The following PMCH variants were observed in gnomAD, a reference collection of about 807,000 sequenced individuals.
The protein encoded by PMCH is pro-melanin concentrating hormone, also known as pro-MCH.
A neutral mutation model predicts 15.9 loss-of-function variants in PMCH; 8 were observed. The ratio of observed to expected loss-of-function variants is 0.50; its 90% CI spans 0.29 to 0.91. The LOEUF (loss-of-function observed/expected upper bound fraction) is 0.91. PMCH is among the 40% of genes least tolerant of loss of function. The pLI, the probability that PMCH is intolerant of heterozygous loss-of-function variation, is 0.07. For missense variants in PMCH, 169 were observed against 185.7 expected (o/e 0.91, Z 0.52); for synonymous variants, 73 against 63.8 (o/e 1.14, Z -0.69).
intron 2 of PMCH, 42 bp from the exon 3 acceptor site, chr12:102,196,743 T>G (rs766088615): frequency 1.4e-6 from 2 of 1,440,162 alleles, no homozygotes; most frequent in African/African-American, 2.8e-5. Flanking sequence ...AGGACTATAA[T>G]TATCACACAA....
In PMCH at chr12:102,196,513, A is replaced by G. The variant is rs142933593; in HGVS notation, c.*139T>C. The G allele has an allele frequency of 1.9e-4, 148 of 763,000 alleles. 1 individual carries two copies. The East Asian group carries it at 3.6e-3, about 19-fold the overall frequency. 47.3% of individuals were successfully genotyped at this position (763,000 alleles called of 1,614,324 possible). ...ACAGAGAAAGCATATCATTTCAGTTACTGATACATCTTAACACTACTTTCT... is the reference window on the plus strand; with the variant it reads ...ACAGAGAAAGCATATCATTTCAGTTGCTGATACATCTTAACACTACTTTCT... On this transcript the variant is annotated 3_prime_UTR_variant, in exon 3 of 3. Coordinates refer to ENST00000329406, the MANE Select transcript of PMCH (RefSeq NM_002674.4).
At position 102,196,542 on chromosome 12, in the gene PMCH, A is replaced by G. The variant is rs2137673832; in HGVS notation, c.*110T>C. 1.2e-6 allele frequency: 1 copy of G among 855,968 alleles called. No homozygotes were observed. Among genetic ancestry groups the G allele is most frequent in the Non-Finnish European group, 2.0e-6 (1 of 501,978 alleles). 53.0% of individuals were successfully genotyped at this position (855,968 alleles called of 1,614,324 possible). Reference sequence around the variant, plus strand: ...ATACATCTTAACACTACTTTCTTTTAAAACAGACATTTAACATACACAAGT... The same window carrying G: ...ATACATCTTAACACTACTTTCTTTTGAAACAGACATTTAACATACACAAGT... On this transcript the variant is annotated 3_prime_UTR_variant, in exon 3 of 3. Transcript: ENST00000329406.
intron 2 of PMCH, 80 bp from the exon 3 acceptor site, chr12:102,196,781 T>C: frequency 8.5e-7 from 1 of 1,182,080 alleles, no homozygotes; most frequent in Non-Finnish European, 1.3e-6. Context: ...AGAATGGATC[T>C]AGTATAACTA....
Position 102,196,683 on chromosome 12 carries a change from C to T in PMCH, c.467G>A (p.Gly156Glu). ...RDFDMLRCML[G>E]RVYRPCWQV ...TTGCCAACAAGGTCGGTAGACTCTT[C>T]CCAGCATACATCTGAGCACTGAAGG... The change falls in exon 3 of 3, where the codon GGA (glycine) becomes GAA (glutamate). Residue 156 changes from glycine to glutamate, a missense_variant. Gly to Glu is a moderately conservative substitution (Grantham distance 98, BLOSUM62 -2). Coordinates refer to ENST00000329406, the MANE Select transcript of PMCH (RefSeq NM_002674.4). 1 of 1,609,250 alleles carries T rather than the reference C, an allele frequency of 6.2e-7. No homozygotes were observed. Among genetic ancestry groups the T allele is most frequent in the South Asian group, 1.1e-5 (1 of 90,948 alleles).
chr12:102,197,207 G>C (rs1023648532), intron 1 of PMCH, 36 bp from the exon 2 acceptor site: 1 of 1,440,168 alleles, frequency 6.9e-7, no homozygotes, highest in South Asian at 1.2e-5. Flanking sequence ...TTTAGCTATC[G>C]TATTCGGAGT....
intron 2 of PMCH, 111 bp from the exon 3 acceptor site, chr12:102,196,812 A>G (rs1313242436): frequency 1.9e-6 from 2 of 1,058,668 alleles, no homozygotes; most frequent in East Asian, 2.4e-5. Flanking sequence ...AACCAAAATG[A>G]TAATAATTAA....
chr12:102,197,652 T>C lies in PMCH; in HGVS notation c.119A>G (p.Asn40Ser). Residue 40 changes from asparagine (N) to serine (S), a missense_variant, in exon 1 of 3, where the codon AAT becomes AGT. Coordinates refer to ENST00000329406, the MANE Select transcript of PMCH (RefSeq NM_002674.4). ...IRNLDDDMVF[N>S]TFRLGKGFQK... is the part of the protein sequence containing the mutation. The stretch of plus-strand genomic sequence containing the variant: ...AAAGCCTTTCCCCAACCTGAATGTA[T>C]TAAATACCATGTCATCATCTAAATT... 6.2e-7 allele frequency: 1 copy of C among 1,612,236 alleles called. No homozygotes were observed. Among genetic ancestry groups the C allele is most frequent in the Non-Finnish European group, 8.5e-7 (1 of 1,178,764 alleles).
In PMCH at chr12:102,197,106, A is replaced by G. The variant is rs200644407; in HGVS notation, c.315T>C (p.Tyr105=). 6.8e-6 allele frequency: 11 copies of G among 1,612,302 alleles called. No homozygotes were observed. Among genetic ancestry groups the G allele is most frequent in the South Asian group, 1.1e-5 (1 of 91,036 alleles). Residue 105 remains tyrosine (Y), a synonymous_variant, in exon 2 of 3, where the codon TAT becomes TAC. Coordinates refer to ENST00000329406, the MANE Select transcript of PMCH (RefSeq NM_002674.4). ...GLPLNLAIKP[Y]LALKGSVAFP... ...AAGCTACAGATCCTTTTAGTGCAAG[A>G]TAAGGTTTTATAGCCAGATTCAGTG... is the stretch of plus-strand genomic sequence containing the variant.
chr12:102,196,693 A>G lies in PMCH; in HGVS notation c.457T>C (p.Cys153Arg). ...GGTCGGTAGACTCTTCCCAGCATAC[A>G]TCTGAGCACTGAAGGAAGAAGAAAG... ...IGRRDFDMLR[C>R]MLGRVYRPCW... is the part of the protein sequence containing the mutation. The change falls in exon 3 of 3, where the codon TGT (cysteine) becomes CGT (arginine). Residue 153 changes from cysteine (C) to arginine (R), a missense_variant. Physicochemically the swap from Cys to Arg is radical, Grantham distance 180. Transcript: ENST00000329406. The G allele has an allele frequency of 1.2e-6, 2 of 1,608,000 alleles. No homozygotes were observed. The highest frequency in any genetic ancestry group is 1.7e-6 in the Non-Finnish European group (2 of 1,175,120).
rs747316171 is a variant in PMCH, at chr12:102,197,092, C to G, written c.329G>C (p.Gly110Ala). Residue 110 changes from glycine (G) to alanine (A), a missense_variant, in exon 2 of 3, where the codon GGA becomes GCA. Physicochemically the swap from Gly to Ala is moderately conservative, Grantham distance 60. Coordinates refer to ENST00000329406, the MANE Select transcript of PMCH (RefSeq NM_002674.4). ...LAIKPYLALK[G>A]SVAFPAENGV... ...ATTCTCAGCTGGGAAAGCTACAGAT[C>G]CTTTTAGTGCAAGATAAGGTTTTAT... The G allele has an allele frequency of 6.2e-7, 1 of 1,612,062 alleles. No individual in the cohort carries two copies. Among genetic ancestry groups the G allele is most frequent in the South Asian group, 1.1e-5 (1 of 91,036 alleles).
Position 102,197,643 on chromosome 12 carries a change from C to A in PMCH, c.128G>T (p.Arg43Met). The change falls in exon 1 of 3, where the codon AGG becomes ATG. Residue 43 changes from arginine to methionine, a missense_variant. Physicochemically the swap from Arg to Met is moderately conservative, Grantham distance 91. Transcript: ENST00000329406. ...TTCCTTCTGAAAGCCTTTCCCCAACCTGAATGTATTAAATACCATGTCATC... is the reference window on the plus strand; with the variant it reads ...TTCCTTCTGAAAGCCTTTCCCCAACATGAATGTATTAAATACCATGTCATC... ...LDDDMVFNTFRLGKGFQKEDT... is the reference protein window; with the variant it reads ...LDDDMVFNTFMLGKGFQKEDT... 1 of 1,612,220 alleles carries A rather than the reference C, an allele frequency of 6.2e-7. No individual in the cohort carries two copies. The highest frequency in any genetic ancestry group is 8.5e-7 in the Non-Finnish European group (1 of 1,178,798).
chr12:102,197,583 A>G lies in PMCH; in HGVS notation c.188T>C (p.Leu63Pro), dbSNP rs1891426477. The G allele has an allele frequency of 2.5e-6, 4 of 1,609,810 alleles. No homozygotes were observed. Among genetic ancestry groups the G allele is most frequent in the South Asian group, 1.1e-5 (1 of 90,940 alleles). ...TAEKSVIAPS[L>P]EQYKNDESSF... ...GCTCTCATCATTTTTATATTGTTCC[A>G]GGGAAGGAGCAATAACTGATTTTTC... The change falls in exon 1 of 3, where the codon CTG becomes CCG. Residue 63 changes from leucine to proline, a missense_variant. By Grantham distance (98) the Leu-to-Pro change is moderately conservative. Transcript: ENST00000329406.
intron 1 of PMCH, 149 bp downstream of exon 1, chr12:102,197,373 T>G (rs1340122020): frequency 2.4e-6 from 2 of 821,368 alleles, no homozygotes; most frequent in Non-Finnish European, 1.9e-6. Flanking sequence ...CTACCTGGCA[T>G]GTAAGAAATA....
At chr12:102,196,820 T>A (rs1009777132) in intron 2 of PMCH, 119 bp from the exon 3 acceptor site, 2 of 1,043,080 alleles carry the variant, frequency 1.9e-6, no homozygotes, top group African/African-American at 3.2e-5. Context: ...TGATAATAAT[T>A]AATTGTTGCT....
chr12:102,196,879 G>T, intron 2 of PMCH, 94 bp downstream of exon 2: 2 of 1,168,890 alleles, frequency 1.7e-6, no homozygotes, highest in Non-Finnish European at 2.5e-6. Flanking sequence ...GGTCTTATTT[G>T]ATTTTGTTAT....
chr12:102,196,672 G>A lies in PMCH; in HGVS notation c.478C>T (p.Arg160Ter), dbSNP rs200281750. Reference protein sequence around the residue: ...MLRCMLGRVYRPCWQV With the variant: ...MLRCMLGRVY ...AGGTATCAGACTTGCCAACAAGGTC[G>A]GTAGACTCTTCCCAGCATACATCTG... Residue 160 changes from arginine (R) to a stop codon, truncating the protein, a stop_gained, in exon 3 of 3, where the codon CGA becomes TGA. Transcript: ENST00000329406. LOFTEE classifies it high-confidence loss of function. 13 of 1,609,830 alleles carry A rather than the reference G, an allele frequency of 8.1e-6. No homozygotes were observed. Among genetic ancestry groups the A allele is most frequent in the Non-Finnish European group, 1.1e-5 (13 of 1,176,820 alleles).
intron 1 of PMCH, 149 bp downstream of exon 1, chr12:102,197,373 T>C (rs1340122020): frequency 6.1e-6 from 5 of 821,250 alleles, no homozygotes; most frequent in Non-Finnish European, 1.9e-6. Flanking sequence ...CTACCTGGCA[T>C]GTAAGAAATA....
At chr12:102,197,256 A>G in intron 1 of PMCH, 85 bp from the exon 2 acceptor site, 1 of 1,136,938 alleles carries the variant, frequency 8.8e-7, no homozygotes, top group Non-Finnish European at 1.3e-6. Context: ...TTGTTGATCA[A>G]TTCAAAGTTA....
rs773269035 is a variant in PMCH, at chr12:102,197,792, C to T, written c.-22G>A. On this transcript the variant is annotated 5_prime_UTR_variant, in exon 1 of 3. Coordinates refer to ENST00000329406, the MANE Select transcript of PMCH (RefSeq NM_002674.4). Reference sequence around the variant, plus strand: ...CCATTCTTAGTTTGATGTTTGCATACAGTCAAACAAGAAAGAAAATGAAAA... The same window carrying T: ...CCATTCTTAGTTTGATGTTTGCATATAGTCAAACAAGAAAGAAAATGAAAA... 1.4e-5 allele frequency: 22 copies of T among 1,521,124 alleles called. No homozygotes were observed. In the East Asian group the frequency reaches 3.7e-4, roughly 26 times the overall value. The allele number at this position is 1,521,124 out of a possible 1,614,324, so 94.2% of individuals were successfully genotyped here.
Sources: gnomAD v4.1 joint callset for allele counts on GRCh38, gnomAD v4.1.1 for gene constraint, MANE v1.5 for transcripts, NCBI Gene and HGNC (gene_info 2026-07-23, HGNC 2026-07-21) for gene names.